Variants in HS3ST5 observed in about 807,000 individuals in gnomAD.
HS3ST5 encodes the protein heparan sulfate glucosamine 3-O-sulfotransferase 5.
HS3ST5 carries 10 observed loss-of-function variants against 25.4 expected under a neutral mutation model. The ratio of observed to expected loss-of-function variants is 0.39; its 90% CI spans 0.24 to 0.67. HS3ST5 has a LOEUF of 0.67. Among genes scored for constraint, HS3ST5 ranks in the 30% least tolerant of loss-of-function variants. The pLI is 0.44. For missense variants in HS3ST5, 324 were observed against 420.7 expected (o/e 0.77, Z 2.01); for synonymous variants, 170 against 162.4 (o/e 1.05, Z -0.36).
intron 1 of HS3ST5, among the ~76,000 whole-genome samples, chr6:114,301,976 T>C (rs1582800201): frequency 6.6e-6 from 1 of 152,204 alleles, no homozygotes; most frequent in Non-Finnish European, 1.5e-5. Context: ...TATTAGATCT[T>C]CGCTGGCTTT....
At chr6:114,182,504 C>T (rs201289908) in intron 2 of HS3ST5, among the ~76,000 whole-genome samples, 5 of 152,090 alleles carry the variant, frequency 3.3e-5, no homozygotes, top group Admixed American at 2.6e-4. Context: ...TACTAAACCT[C>T]CTGGAGGCTA....
At chr6:114,081,703 A>G (rs1237735072) in intron 3 of HS3ST5, among the ~76,000 whole-genome samples, 2 of 152,232 alleles carry the variant, frequency 1.3e-5, no homozygotes, top group Non-Finnish European at 2.9e-5. Context: ...ACTAATAGGT[A>G]CATTTTTTAG....
chr6:114,152,456 C>T (rs1778503347), intron 3 of HS3ST5, among the ~76,000 whole-genome samples: 1 of 152,002 alleles, frequency 6.6e-6, no homozygotes, highest in African/African-American at 2.4e-5. Flanking sequence ...GATATCATTT[C>T]CTGCTGAAAT....
rs1347544625 is a variant in HS3ST5, at chr6:114,055,806, T to C, written c.*1451A>G. The stretch of plus-strand genomic sequence containing the variant: ...AACTGTGATTGTGAGAAAAAAAAAA[T>C]CCATCTTTTTGTTGTCGTTGTTAAT... On this transcript the variant is annotated 3_prime_UTR_variant, in exon 5 of 5. Coordinates refer to ENST00000312719, the MANE Select transcript of HS3ST5 (RefSeq NM_153612.4). 1 of 152,082 alleles carries C rather than the reference T, an allele frequency of 6.6e-6. No individual in the cohort carries two copies. Among genetic ancestry groups the C allele is most frequent in the African/African-American group, 2.4e-5 (1 of 41,416 alleles). 9.4% of individuals were successfully genotyped at this position (152,082 alleles called of 1,614,324 possible). A position where few individuals can be genotyped will look rare whatever the true frequency, so the allele number is the denominator to read the frequency against.
chr6:114,211,321 G>A (rs552510171), intron 2 of HS3ST5, among the ~76,000 whole-genome samples: 9 of 151,966 alleles, frequency 5.9e-5, no homozygotes, highest in South Asian at 4.2e-4. Context: ...TTATTTCCTC[G>A]GATTTAGCCC....
intron 1 of HS3ST5, among the ~76,000 whole-genome samples, chr6:114,247,102 A>G (rs1349156271): frequency 6.6e-6 from 1 of 152,208 alleles, no homozygotes; most frequent in Non-Finnish European, 1.5e-5. Flanking sequence ...TTATTTTGCC[A>G]TCATGGTGGA....
rs558483705 is a variant in HS3ST5, at chr6:114,149,597, G to A, written c.-33+18754C>T. Among the ~76,000 whole-genome samples, 15 of 152,214 alleles carry A rather than the reference G, an allele frequency of 9.9e-5. No homozygotes were observed. In the East Asian group the frequency reaches 2.7e-3, roughly 28 times the overall value. ...GGCCTGTTGGCAGGTGGGGGGCAGG[G>A]GAGGGAGAGCATTAGGACAAATACC... On this transcript the variant is annotated intron_variant, in intron 3 of 4. Coordinates refer to ENST00000312719, the MANE Select transcript of HS3ST5 (RefSeq NM_153612.4).
intron 1 of HS3ST5, among the ~76,000 whole-genome samples, chr6:114,253,752 T>C (rs1205175298): frequency 1.3e-5 from 2 of 152,216 alleles, no homozygotes; most frequent in African/African-American, 2.4e-5. Flanking sequence ...CTTCTGTATA[T>C]TGAATGCATG....
At chr6:114,199,961 C>A (rs1562235232) in intron 2 of HS3ST5, among the ~76,000 whole-genome samples, 1 of 152,110 alleles carries the variant, frequency 6.6e-6, no homozygotes, top group Non-Finnish European at 1.5e-5. Flanking sequence ...CGCCTGTGTT[C>A]CCAGCACTTT....
intron 3 of HS3ST5, among the ~76,000 whole-genome samples, chr6:114,121,179 CTT>C (rs1253057276): frequency 6.6e-6 from 1 of 152,206 alleles, no homozygotes; most frequent in Non-Finnish European, 1.5e-5. Context: ...CAAAAGTACT[CTT>C]ATTATTTTTG....
intron 2 of HS3ST5, among the ~76,000 whole-genome samples, chr6:114,194,164 G>T (rs1780633286): frequency 6.6e-6 from 1 of 152,178 alleles, no homozygotes; most frequent in South Asian, 2.1e-4. Context: ...AATTTCAACT[G>T]ATTTGAACAC....
intron 4 of HS3ST5, chr6:114,059,178 T>C (rs1187218138): frequency 2.0e-5 from 3 of 152,212 alleles, no homozygotes; most frequent in Admixed American, 6.5e-5. Flanking sequence ...GGCTAACATA[T>C]ATGGTTAGCA....
chr6:114,326,248 G>A (rs955686927), intron 1 of HS3ST5, among the ~76,000 whole-genome samples: 1 of 151,968 alleles, frequency 6.6e-6, no homozygotes, highest in Non-Finnish European at 1.5e-5. Context: ...AAATTAGCGG[G>A]GCATGGTGGT....
intron 2 of HS3ST5, among the ~76,000 whole-genome samples, chr6:114,177,768 A>G (rs907396039): frequency 6.6e-6 from 1 of 152,204 alleles, no homozygotes; most frequent in Non-Finnish European, 1.5e-5. Context: ...ATTTGGTACT[A>G]TAAACTTATA....
intron 3 of HS3ST5, among the ~76,000 whole-genome samples, chr6:114,164,084 A>G (rs1180018308): frequency 6.6e-6 from 1 of 152,154 alleles, no homozygotes; most frequent in African/African-American, 2.4e-5. Flanking sequence ...TCTCACAGAC[A>G]TCCTGTTATA....
intron 1 of HS3ST5, among the ~76,000 whole-genome samples, chr6:114,261,377 C>T (rs1773164267): frequency 6.6e-6 from 1 of 152,212 alleles, no homozygotes; most frequent in Non-Finnish European, 1.5e-5. Flanking sequence ...GGGCAAGAGA[C>T]TAAGAATCTC....
intron 1 of HS3ST5, among the ~76,000 whole-genome samples, chr6:114,312,498 T>C (rs1181554299): frequency 1.3e-5 from 2 of 152,008 alleles, no homozygotes; most frequent in Admixed American, 1.3e-4. Context: ...TCAGAAATAA[T>C]AAATTAAAAA....
chr6:114,204,846 A>C (rs996078752), intron 2 of HS3ST5, among the ~76,000 whole-genome samples: 3 of 152,196 alleles, frequency 2.0e-5, no homozygotes, highest in Non-Finnish European at 4.4e-5. Flanking sequence ...ATTTAACTAA[A>C]ATATACAGCT....
intron 3 of HS3ST5, among the ~76,000 whole-genome samples, chr6:114,073,941 A>G (rs1773976669): frequency 6.6e-6 from 1 of 152,238 alleles, no homozygotes; most frequent in African/African-American, 2.4e-5. Context: ...AGTGGCACAT[A>G]TACACCATGG....
Sources: gnomAD v4.1 joint callset for allele counts (sites outside exome capture counted in the v4.1 genomes callset) on GRCh38, gnomAD v4.1.1 for gene constraint, MANE v1.5 for transcripts, NCBI Gene and HGNC (gene_info 2026-07-23, HGNC 2026-07-21) for gene names.